Variants in PLAAT5 observed in about 807,000 individuals in gnomAD.
PLAAT5 encodes the protein Ca(2+)-independent N-acyltransferase.
PLAAT5 carries 27 observed loss-of-function variants against 27.8 expected under a neutral mutation model. The ratio of observed to expected loss-of-function variants is 0.97; its 90% confidence interval spans 0.72 to 1.34. PLAAT5 has a LOEUF of 1.34. PLAAT5 is among the 40% of genes most tolerant of loss of function. The pLI is 0.00. For missense variants in PLAAT5, 368 were observed against 343.8 expected, an observed-to-expected ratio of 1.07 and a Z score of -0.56; for synonymous variants, 125 against 136.1, an observed-to-expected ratio of 0.92 and a Z score of 0.57.
At chr11:63,465,840 C>T (rs2015846403) in intron 5 of PLAAT5, among the ~76,000 whole-genome samples, 1 of 152,052 alleles carries the variant, frequency 6.6e-6, no homozygotes, top group Non-Finnish European at 1.5e-5. Flanking sequence ...CAGAAATATA[C>T]TGATTTGACC....
chr11:63,477,156 A>G (rs941664142), intron 3 of PLAAT5, among the ~76,000 whole-genome samples: 1 of 152,132 alleles, frequency 6.6e-6, no homozygotes, highest in Non-Finnish European at 1.5e-5. Context: ...TCAAAATAGC[A>G]GTTTAGAAGT....
chr11:63,472,216 G>T (rs2016044177), intron 3 of PLAAT5, among the ~76,000 whole-genome samples: 1 of 151,862 alleles, frequency 6.6e-6, no homozygotes, highest in Admixed American at 6.6e-5. Flanking sequence ...GAAAAAAAAA[G>T]GAAAGAAAAA....
At chr11:63,469,158 G>C (rs139768777) in intron 3 of PLAAT5, among the ~76,000 whole-genome samples, 156 of 151,740 alleles carry the variant, frequency 1.0e-3, no homozygotes, top group Middle Eastern at 3.4e-3. Flanking sequence ...GAGAGAGAGA[G>C]AGACAGGTAG....
At chr11:63,473,359 AT>A (rs1251538110) in intron 3 of PLAAT5, among the ~76,000 whole-genome samples, 1 of 152,214 alleles carries the variant, frequency 6.6e-6, no homozygotes, top group Non-Finnish European at 1.5e-5. Flanking sequence ...GCTATTGCAA[AT>A]TTAATAGGCT....
chr11:63,472,925 GA>G (rs1188335950), intron 3 of PLAAT5, among the ~76,000 whole-genome samples: 2 of 151,684 alleles, frequency 1.3e-5, no homozygotes, highest in African/African-American at 4.9e-5. Context: ...GCAACATGGT[GA>G]AACCCCATCT....
At chr11:63,490,478 G>T in intron 1 of PLAAT5, 145 bp from the exon 2 acceptor site, 1 of 1,315,094 alleles carries the variant, frequency 7.6e-7, no homozygotes, top group Non-Finnish European at 1.1e-6. Context: ...TGGGATGAAT[G>T]GAGAGGGTTG....
chr11:63,483,601 C>G (rs1443778804), intron 3 of PLAAT5, among the ~76,000 whole-genome samples: 1 of 108,166 alleles, frequency 9.2e-6, no homozygotes, highest in Non-Finnish European at 1.9e-5. Context: ...AGTGACACAG[C>G]AAAAGTGGTG....
intron 3 of PLAAT5, 73 bp from the exon 4 acceptor site, chr11:63,468,538 C>T: frequency 1.8e-6 from 2 of 1,110,656 alleles, no homozygotes; most frequent in Non-Finnish European, 2.7e-6. Flanking sequence ...GGATCAGGGA[C>T]AGCTCAGCCT....
intron 3 of PLAAT5, among the ~76,000 whole-genome samples, chr11:63,482,310 C>T (rs2016306126): frequency 6.6e-6 from 1 of 152,124 alleles, no homozygotes; most frequent in Non-Finnish European, 1.5e-5. Flanking sequence ...GGCACATAGT[C>T]ATCATGTTAT....
At chr11:63,490,454 G>T in intron 1 of PLAAT5, 121 bp from the exon 2 acceptor site, 1 of 1,524,284 alleles carries the variant, frequency 6.6e-7, no homozygotes, top group Non-Finnish European at 9.0e-7. Flanking sequence ...CCCTGGTTAG[G>T]CCTCAGAAAA....
At chr11:63,482,020 A>G (rs527723600) in intron 3 of PLAAT5, among the ~76,000 whole-genome samples, 1 of 152,344 alleles carries the variant, frequency 6.6e-6, no homozygotes, top group East Asian at 1.9e-4. Flanking sequence ...ACAAACCTGC[A>G]CGTTGTGCAC....
At chr11:63,477,814 T>A (rs2016188665) in intron 3 of PLAAT5, among the ~76,000 whole-genome samples, 1 of 152,170 alleles carries the variant, frequency 6.6e-6, no homozygotes, top group African/African-American at 2.4e-5. Context: ...CATAGCTTAA[T>A]GGCCAGAAGT....
At chr11:63,473,351 T>C (rs2016075801) in intron 3 of PLAAT5, among the ~76,000 whole-genome samples, 1 of 152,254 alleles carries the variant, frequency 6.6e-6, no homozygotes, top group Admixed American at 6.5e-5. Flanking sequence ...CATGTAATGC[T>C]ATTGCAAATT....
At chr11:63,483,784 A>AAATATATATATATATATATGTATATAT (rs1397719113) in intron 3 of PLAAT5, among the ~76,000 whole-genome samples, 1 of 65,680 alleles carries the variant, frequency 1.5e-5, no homozygotes, top group African/African-American at 9.8e-5. Flanking sequence ...GCAAAAAAAA[A>AAATATATATATATATATATGTATATAT]ATATATATAT....
intron 5 of PLAAT5, 95 bp from the exon 6 acceptor site, chr11:63,463,690 C>T: frequency 1.1e-6 from 1 of 906,590 alleles, no homozygotes; most frequent in South Asian, 1.3e-5. Context: ...AGCAACCAGC[C>T]TGTCTGGAGT....
intron 3 of PLAAT5, among the ~76,000 whole-genome samples, chr11:63,485,662 C>CTTAGATTTCATTTTAGATT (rs1450629736): frequency 3.9e-5 from 6 of 152,030 alleles, no homozygotes; most frequent in Non-Finnish European, 8.8e-5. Context: ...GATATGAAAC[C>CTTAGATTTCATTTTAGATT]ATAAAAATTC....
chr11:63,490,167 T>A (rs2016526927), intron 2 of PLAAT5, 76 bp downstream of exon 2: 1 of 1,603,052 alleles, frequency 6.2e-7, no homozygotes, highest in Non-Finnish European at 8.5e-7. Flanking sequence ...TGGGTTTGTT[T>A]TACAGAACTG....
At chr11:63,485,087 C>T (rs2016401890) in intron 3 of PLAAT5, among the ~76,000 whole-genome samples, 1 of 151,456 alleles carries the variant, frequency 6.6e-6, no homozygotes, top group African/African-American at 2.4e-5. Context: ...TAACCAAAGA[C>T]ATGAAAGATC....
chr11:63,476,270 T>C (rs1057008876), intron 3 of PLAAT5, among the ~76,000 whole-genome samples: 6 of 152,156 alleles, frequency 3.9e-5, no homozygotes, highest in African/African-American at 1.4e-4. Flanking sequence ...TGATAAAATA[T>C]ATATTTAGAT....
Sources: allele counts gnomAD v4.1 joint callset (sites outside exome capture counted in the v4.1 genomes callset), GRCh38; gene constraint gnomAD v4.1.1; transcripts MANE v1.5; gene names NCBI Gene and HGNC (gene_info 2026-07-23, HGNC 2026-07-21).